MOB3C: variants seen among roughly 807,000 people sequenced by gnomAD.
MOB3C encodes MOB kinase activator 3C.
Under a neutral mutation model 19.8 loss-of-function variants are expected in MOB3C, and 17 were observed. That is an observed-to-expected ratio of 0.86 (90% CI 0.59 to 1.29). The LOEUF is 1.29. Ranked by LOEUF, MOB3C falls within the 50% of genes most tolerant of loss-of-function variation. The pLI, the probability that MOB3C is intolerant of heterozygous loss-of-function variation, is 0.00. For missense variants in MOB3C, 291 were observed against 301.9 expected (o/e 0.96, Z 0.27); for synonymous variants, 101 against 119.2 (o/e 0.85, Z 0.99).
rs1570381006 is a variant in MOB3C at position 46,612,912 on chromosome 1, G to T, written c.410C>A (p.Thr137Lys). Residue 137 changes from threonine (T) to lysine (K), a missense_variant, in exon 2 of 4, where the codon ACG (threonine) becomes AAG (lysine). Physicochemically the swap from Thr to Lys is moderately conservative, Grantham distance 78 (BLOSUM62 -1). Coordinates refer to ENST00000319928, the MANE Select transcript of MOB3C (RefSeq NM_201403.3). ...CGCCAGGTGACACTCACCAACACGCGTGGGAAAGACCTCTTCGTCGTTGAT... is the reference window on the plus strand; with the variant it reads ...CGCCAGGTGACACTCACCAACACGCTTGGGAAAGACCTCTTCGTCGTTGAT... Reference protein sequence around the residue: ...GLINDEEVFPTRVGVPFPKNF... With the variant: ...GLINDEEVFPKRVGVPFPKNF... The T allele has an allele frequency of 6.5e-7, 1 of 1,549,836 alleles. No homozygotes were observed. Among genetic ancestry groups the T allele is most frequent in the Admixed American group, 1.9e-5 (1 of 53,028 alleles).
intron 1 of MOB3C, chr1:46,616,407 A>C (rs112918665): frequency 0.06 from 9,092 of 152,652 alleles, 887 homozygotes; most frequent in African/African-American, 0.21. Flanking sequence ...CTTCCCTGCA[A>C]CCTCAAACCA....
chr1:46,613,081 G>A lies in MOB3C; in HGVS notation c.241C>T (p.Arg81Cys), dbSNP rs112622804. ...INLIYGTMAE[R>C]CSETSCPVMA... ...ACCGGGCAGCTGGTCTCACTGCAGC[G>A]CTCCGCCATAGTGCCGTAGATGAGG... Residue 81 changes from arginine (R) to cysteine (C), a missense_variant, in exon 2 of 4, where the codon CGC (arginine) becomes TGC (cysteine). Physicochemically the swap from Arg to Cys is radical, Grantham distance 180. Coordinates refer to ENST00000319928, the MANE Select transcript of MOB3C (RefSeq NM_201403.3). 12 of 1,614,054 alleles carry A rather than the reference G, an allele frequency of 7.4e-6. No individual in the cohort carries two copies. In the East Asian group the frequency reaches 1.6e-4, roughly 21 times the overall value.
chr1:46,614,434 T>A (rs1675529103), intron 1 of MOB3C: 1 of 153,104 alleles, frequency 6.5e-6, no homozygotes, highest in East Asian at 1.9e-4. Flanking sequence ...TCATCTCATC[T>A]CAACTGTGAG....
In MOB3C at chr1:46,611,673, T is replaced by C. The variant is rs1675471673; in HGVS notation, c.418+1231A>G. 6.6e-6 allele frequency among the ~76,000 whole-genome samples: 1 copy of C among 152,064 alleles called. No homozygotes were observed. Among genetic ancestry groups the C allele is most frequent in the Non-Finnish European group, 1.5e-5 (1 of 68,016 alleles). Reference sequence around the variant, plus strand: ...CAGCCCAGCCCAGATTCCTCAGACATATCCTGCCCATGTAGACTTGGGGTC... The same window carrying C: ...CAGCCCAGCCCAGATTCCTCAGACACATCCTGCCCATGTAGACTTGGGGTC... On this transcript the variant is annotated intron_variant, in intron 2 of 3. Transcript: ENST00000319928. This position sits in a 1 kb window ranked among gnomAD's most constrained non-coding sequence, Gnocchi z 4.1.
Position 46,613,146 on chromosome 1 carries a change from C to T in MOB3C, c.176G>A (p.Trp59Ter). 1 of 1,614,276 alleles carries T rather than the reference C, an allele frequency of 6.2e-7. No homozygotes were observed. The highest frequency in any genetic ancestry group is 8.5e-7 in the Non-Finnish European group (1 of 1,180,052). ...RLPPGENIDD[W>*]IAVHVVDFFN... ...GAAGTCCACCACGTGCACGGCGATCCAGTCGTCGATGTTCTCCCCGGGTGG... is the reference window on the plus strand; with the variant it reads ...GAAGTCCACCACGTGCACGGCGATCTAGTCGTCGATGTTCTCCCCGGGTGG... Residue 59 changes from tryptophan to a stop codon, truncating the protein, a stop_gained, in exon 2 of 4, where the codon TGG becomes TAG. Transcript: ENST00000319928. LOFTEE classifies it high-confidence loss of function.
At chr1:46,615,152 T>C in intron 1 of MOB3C, 1 of 1,183,962 alleles carries the variant, frequency 8.4e-7, no homozygotes, top group Middle Eastern at 2.3e-4. Context: ...GCGGGGCTCC[T>C]GGGCTCCCCA....
rs188254809 is a variant in MOB3C at position 46,613,995 on chromosome 1, G to A, written c.-50-624C>T. 6.2e-3 allele frequency: 952 copies of A among 152,440 alleles called. 7 individuals are homozygous for A. The highest frequency in any genetic ancestry group is 0.01 in the Non-Finnish European group (710 of 68,106). 9.4% of individuals were successfully genotyped at this position (152,440 alleles called of 1,614,324 possible). A position where few individuals can be genotyped will look rare whatever the true frequency, so the allele number is the denominator to read the frequency against. ...GTGGCTGCAAGCACTGGAGGAGGGG[G>A]AGGGCGGCAGGCCAATGAGGGCGTC... On this transcript the variant is annotated intron_variant, in intron 1 of 3. Transcript: ENST00000319928.
chr1:46,610,221 G>A lies in MOB3C; in HGVS notation c.419-17C>T. 6.2e-7 allele frequency: 1 copy of A among 1,612,784 alleles called. No individual in the cohort carries two copies. Among genetic ancestry groups the A allele is most frequent in the Non-Finnish European group, 8.5e-7 (1 of 1,179,204 alleles). On this transcript the variant is annotated splice_polypyrimidine_tract_variant and intron_variant, in intron 2 of 3. Transcript: ENST00000319928. The stretch of plus-strand genomic sequence containing the variant: ...AGGGAACTCCTAGAGGGCAGGGGAG[G>A]GCAGAAGGGGATCAGTATCCTGGTG...
At position 46,609,584 on chromosome 1, in the gene MOB3C, G is replaced by A. The variant is rs1675426396; in HGVS notation, c.*71C>T. On this transcript the variant is annotated 3_prime_UTR_variant, in exon 4 of 4. Coordinates refer to ENST00000319928, the MANE Select transcript of MOB3C (RefSeq NM_201403.3). ...TGCCTTCAGATTCCTTCAGGCTCCT[G>A]GGGGTCCCCTCTGCCAGCCACCCTA... 4 of 1,587,868 alleles carry A rather than the reference G, an allele frequency of 2.5e-6. No individual in the cohort carries two copies. The African/African-American group carries it at 4.0e-5, about 16-fold the overall frequency.
chr1:46,615,494 C>G (rs749234884), intron 1 of MOB3C: 2 of 177,590 alleles, frequency 1.1e-5, no homozygotes, highest in Non-Finnish European at 1.2e-5. Context: ...AGGCCTGGCA[C>G]AAAGTCAGTG....
At chr1:46,612,479 T>G (rs1675484173) in intron 2 of MOB3C, among the ~76,000 whole-genome samples, 1 of 151,670 alleles carries the variant, frequency 6.6e-6, no homozygotes, top group African/African-American at 2.4e-5. Flanking sequence ...GCCTGGCCAA[T>G]GTGGTGAAAC....
rs758733206 is a variant in MOB3C at position 46,613,013 on chromosome 1, C to T, written c.309G>A (p.Glu103=). The T allele has an allele frequency of 1.9e-6, 3 of 1,613,524 alleles. No homozygotes were observed. Among genetic ancestry groups the T allele is most frequent in the Non-Finnish European group, 1.7e-6 (2 of 1,179,668 alleles). The change falls in exon 2 of 4, where the codon GAG becomes GAA. Residue 103 remains glutamate (E), a synonymous_variant. Coordinates refer to ENST00000319928, the MANE Select transcript of MOB3C (RefSeq NM_201403.3). ...GPRYEYRWQD[E]RQYRRPAKLS... ...GCTTGGCGGGCCGCCGGTACTGGCGCTCGTCCTGCCAGCGGTACTCGTAGC... is the reference window on the plus strand; with the variant it reads ...GCTTGGCGGGCCGCCGGTACTGGCGTTCGTCCTGCCAGCGGTACTCGTAGC...
chr1:46,615,296 C>T (rs549517813), intron 1 of MOB3C: 35 of 535,448 alleles, frequency 6.5e-5, no homozygotes, highest in African/African-American at 4.3e-4. Context: ...TTCCTGAACA[C>T]GCCCCCACTC....
rs138258229 is a variant in MOB3C, at chr1:46,612,982, C to A, written c.340G>T (p.Ala114Ser). The A allele has an allele frequency of 8.8e-5, 141 of 1,611,320 alleles. No individual in the cohort carries two copies. The highest frequency in any genetic ancestry group is 1.1e-4 in the Non-Finnish European group (134 of 1,178,362). The change falls in exon 2 of 4, where the codon GCG becomes TCG. Residue 114 changes from alanine to serine, a missense_variant. Transcript: ENST00000319928. ...ATGAGCAATGCCATATAGCGCGGCG[C>A]AGAGAGCTTGGCGGGCCGCCGGTAC... ...RQYRRPAKLS[A>S]PRYMALLMDW...
Position 46,613,051 on chromosome 1 carries a change from C to A in MOB3C, c.271G>T (p.Ala91Ser). The change falls in exon 2 of 4, where the codon GCC becomes TCC. Residue 91 changes from alanine to serine, a missense_variant. Physicochemically the swap from Ala to Ser is moderately conservative, Grantham distance 99. Transcript: ENST00000319928. ...RCSETSCPVM[A>S]GGPRYEYRWQ... is the part of the protein sequence containing the mutation. Reference sequence around the variant, plus strand: ...CGGTACTCGTAGCGGGGCCCGCCGGCCATGACCGGGCAGCTGGTCTCACTG... The same window carrying A: ...CGGTACTCGTAGCGGGGCCCGCCGGACATGACCGGGCAGCTGGTCTCACTG... 6.2e-7 allele frequency: 1 copy of A among 1,614,122 alleles called. No homozygotes were observed. The highest frequency in any genetic ancestry group is 8.5e-7 in the Non-Finnish European group (1 of 1,179,986).
In MOB3C at chr1:46,613,153, C is replaced by G. The variant is rs1675502582; in HGVS notation, c.169G>C (p.Asp57His). The change falls in exon 2 of 4, where the codon GAC becomes CAC. Residue 57 changes from aspartate to histidine, a missense_variant. Transcript: ENST00000319928. ...ACCACGTGCACGGCGATCCAGTCGT[C>G]GATGTTCTCCCCGGGTGGTAGCCTC... ...VVRLPPGENI[D>H]DWIAVHVVDF... The G allele has an allele frequency of 1.9e-6, 3 of 1,614,272 alleles. No individual in the cohort carries two copies. The highest frequency in any genetic ancestry group is 8.5e-7 in the Non-Finnish European group (1 of 1,180,048).
chr1:46,612,778 C>T (rs1675490391), intron 2 of MOB3C, 126 bp downstream of exon 2: 8 of 964,440 alleles, frequency 8.3e-6, no homozygotes, highest in Admixed American at 3.2e-5. Context: ...GTTTCAACCT[C>T]GCTTTCCTCT....
intron 2 of MOB3C, among the ~76,000 whole-genome samples, chr1:46,612,307 T>C (rs897693933): frequency 9.9e-5 from 15 of 151,814 alleles, no homozygotes; most frequent in Admixed American, 5.9e-4. Flanking sequence ...AGGCTGGAGG[T>C]CAAATCAGCT....
chr1:46,610,001 C>T lies in MOB3C; in HGVS notation c.621+1G>A, dbSNP rs542700954. Reference sequence around the variant, plus strand: ...GGGAGGGTGGTAGGGCTTGGCCTCACCAGTGGCTCCAGCTCCCGCTGGTCC... The same window carrying T: ...GGGAGGGTGGTAGGGCTTGGCCTCATCAGTGGCTCCAGCTCCCGCTGGTCC... On this transcript the variant is annotated splice_donor_variant, in intron 3 of 3. Coordinates refer to ENST00000319928, the MANE Select transcript of MOB3C (RefSeq NM_201403.3). LOFTEE classifies it high-confidence loss of function. The T allele has an allele frequency of 4.1e-5, 66 of 1,614,220 alleles. No individual in the cohort carries two copies. In the South Asian group the frequency reaches 5.5e-4, roughly 13 times the overall value.
Sources: allele counts gnomAD v4.1 joint callset (sites outside exome capture counted in the v4.1 genomes callset), GRCh38; gene constraint gnomAD v4.1.1; non-coding constraint Gnocchi (gnomAD v3.1); transcripts MANE v1.5; gene names NCBI Gene and HGNC (gene_info 2026-07-23, HGNC 2026-07-21).